UACA: variants seen among roughly 807,000 people sequenced by gnomAD.
UACA encodes uveal autoantigen with coiled-coil domains and ankyrin repeats.
UACA carries 112 observed loss-of-function variants against 160.5 expected under a neutral mutation model. The ratio of observed to expected loss-of-function variants is 0.70; its 90% CI spans 0.60 to 0.82. The LOEUF (loss-of-function observed/expected upper bound fraction) is 0.82, where lower values mean the gene tolerates loss of function less well. Ranked by LOEUF, UACA falls within the 40% of genes least tolerant of loss-of-function variation. The pLI is 0.00. For synonymous variants in UACA, 557 were observed against 568.4 expected (o/e 0.98, Z 0.29); for missense variants, 1,574 against 1,614.6 (o/e 0.97, Z 0.43).
At chr15:70,700,981 T>TA (rs1491549145) in intron 1 of UACA, among the ~76,000 whole-genome samples, 8 of 151,814 alleles carry the variant, frequency 5.3e-5, no homozygotes, top group East Asian at 1.9e-4. Flanking sequence ...AAAGAAAAGT[T>TA]AAAAAAAATC....
intron 5 of UACA, among the ~76,000 whole-genome samples, chr15:70,690,182 C>G (rs1272498808): frequency 3.9e-5 from 6 of 152,040 alleles, no homozygotes; most frequent in African/African-American, 1.4e-4. Context: ...CACACACACA[C>G]ACACACAGCT....
intron 1 of UACA, among the ~76,000 whole-genome samples, chr15:70,728,718 C>T (rs897739789): frequency 3.3e-5 from 5 of 152,084 alleles, no homozygotes; most frequent in African/African-American, 9.7e-5. Flanking sequence ...TAAAGAGCTT[C>T]CACACAGTAA....
Position 70,687,546 on chromosome 15 carries a change from T to C in UACA, c.596A>G (p.Gln199Arg), listed in dbSNP as rs1453478751. ...GCCATGATAAAAGAATTACCTGTTTTGTTTGTCTCTGGAATTAACATCCGC... is the reference window on the plus strand; with the variant it reads ...GCCATGATAAAAGAATTACCTGTTTCGTTTGTCTCTGGAATTAACATCCGC... The part of the protein sequence containing the change: ...RGADVNSRDK[Q>R]NRTALMLGCE... The change falls in exon 7 of 19, where the codon CAA becomes CGA. Residue 199 changes from glutamine (Q) to arginine (R), a missense_variant. Physicochemically the swap from Gln to Arg is conservative, Grantham distance 43. Coordinates refer to ENST00000322954, the MANE Select transcript of UACA (RefSeq NM_018003.4). 1.9e-6 allele frequency: 3 copies of C among 1,613,780 alleles called. No homozygotes were observed. The highest frequency in any genetic ancestry group is 2.2e-5 in the East Asian group (1 of 44,862).
At position 70,763,503 on chromosome 15, in the gene UACA, G is replaced by A. The variant is rs954161734; in HGVS notation, c.-96C>T. 10 of 1,256,412 alleles carry A rather than the reference G, an allele frequency of 8.0e-6. No homozygotes were observed. The highest frequency in any genetic ancestry group is 6.2e-5 in the African/African-American group (4 of 64,400). The allele number at this position is 1,256,412 out of a possible 1,614,324, so 77.8% of individuals were successfully genotyped here. On this transcript the variant is annotated 5_prime_UTR_variant, in exon 1 of 19. Transcript: ENST00000322954. Reference sequence around the variant, plus strand: ...CAGCGGCTGCAGCAGAGGCGGCGCGGGCTGTACCAGCCCCACCTGCCTGCC... The same window carrying A: ...CAGCGGCTGCAGCAGAGGCGGCGCGAGCTGTACCAGCCCCACCTGCCTGCC...
intron 7 of UACA, among the ~76,000 whole-genome samples, chr15:70,686,405 T>C (rs149160432): frequency 2.1e-3 from 325 of 151,900 alleles, no homozygotes; most frequent in Non-Finnish European, 3.9e-3. Context: ...ATTGAAAGCA[T>C]TAAGCTTTGT....
chr15:70,685,461 C>T (rs1897676507), intron 7 of UACA, among the ~76,000 whole-genome samples: 1 of 152,072 alleles, frequency 6.6e-6, no homozygotes, highest in Admixed American at 6.5e-5. Context: ...CAAGCCTTGT[C>T]CCCCAACTCC....
At chr15:70,715,948 AG>A (rs1898808846) in intron 1 of UACA, among the ~76,000 whole-genome samples, 1 of 152,248 alleles carries the variant, frequency 6.6e-6, no homozygotes, top group Non-Finnish European at 1.5e-5. Context: ...TGGGATATAA[AG>A]GAACTAATTT....
Position 70,699,548 on chromosome 15 carries a change from A to G in UACA, c.191T>C (p.Leu64Pro), listed in dbSNP as rs1362621562. The change falls in exon 2 of 19, where the codon CTA (leucine) becomes CCA (proline). Residue 64 changes from leucine to proline, a missense_variant. Coordinates refer to ENST00000322954, the MANE Select transcript of UACA (RefSeq NM_018003.4). ...LAKKGVNPGKLDVEGRSVFHV... is the reference protein window; with the variant it reads ...LAKKGVNPGKPDVEGRSVFHV... ...TTACACAGATCTGCCTTCCACATCTAGTTTGCCTGGATTGACCCCCTTTTT... is the reference window on the plus strand; with the variant it reads ...TTACACAGATCTGCCTTCCACATCTGGTTTGCCTGGATTGACCCCCTTTTT... 5.0e-6 allele frequency: 8 copies of G among 1,610,572 alleles called. No individual in the cohort carries two copies. Among genetic ancestry groups the G allele is most frequent in the Non-Finnish European group, 6.8e-6 (8 of 1,179,224 alleles).
chr15:70,718,841 T>G (rs1898904036), intron 1 of UACA, among the ~76,000 whole-genome samples: 1 of 152,104 alleles, frequency 6.6e-6, no homozygotes, highest in African/African-American at 2.4e-5. Flanking sequence ...GCAAGAAAAC[T>G]GTTACTGGAG....
At chr15:70,763,185 C>T in intron 1 of UACA, 145 bp downstream of exon 1, 1 of 907,948 alleles carries the variant, frequency 1.1e-6, no homozygotes, top group Non-Finnish European at 1.5e-6. Flanking sequence ...GACGGAGTCT[C>T]CGGCCTCAGG....
At chr15:70,688,651 G>A (rs1897817501) in intron 5 of UACA, among the ~76,000 whole-genome samples, 2 of 151,944 alleles carry the variant, frequency 1.3e-5, no homozygotes, top group African/African-American at 2.4e-5. Flanking sequence ...TAAAATTAGC[G>A]ACCCTTTACG....
chr15:70,767,762 A>T (rs1051352416), upstream of UACA, among the ~76,000 whole-genome samples: 2 of 152,278 alleles, frequency 1.3e-5, no homozygotes, highest in Middle Eastern at 3.4e-3. Context: ...GACCCAGTGA[A>T]CAAAGCCAGT....
At chr15:70,657,877 T>C (rs1896539132) in intron 18 of UACA, among the ~76,000 whole-genome samples, 1 of 150,918 alleles carries the variant, frequency 6.6e-6, no homozygotes, top group South Asian at 2.1e-4. Context: ...AGGCCAGGAG[T>C]TTAAGACCAG....
At chr15:70,661,595 G>A (rs1896708248) in intron 17 of UACA, 1 of 152,116 alleles carries the variant, frequency 6.6e-6, no homozygotes, top group Non-Finnish European at 1.5e-5. Flanking sequence ...ACAATTCTAT[G>A]AAATAGGGAA....
At chr15:70,706,671 CA>C (rs1383482509) in intron 1 of UACA, among the ~76,000 whole-genome samples, 73 of 151,928 alleles carry the variant, frequency 4.8e-4, no homozygotes, top group African/African-American at 1.7e-3. Context: ...ATGAACAATC[CA>C]AGACAAAATT....
In UACA at chr15:70,679,654, T is replaced by A. The variant is rs1201123710; in HGVS notation, c.845A>T (p.Asp282Val). The change falls in exon 10 of 19, where the codon GAT becomes GTT. Residue 282 changes from aspartate (D) to valine (V), a missense_variant. By Grantham distance (152) the Asp-to-Val change is radical. Transcript: ENST00000322954. ...LQQRNLTHMQ[D>V]EVNVKSHQRE... ...CTGATGTGACTTCACATTTACTTCA[T>A]CTTGCATGTGTGTCAAATTTCGCTT... 6.3e-7 allele frequency: 1 copy of A among 1,591,088 alleles called. No individual in the cohort carries two copies. The highest frequency in any genetic ancestry group is 1.8e-5 in the Admixed American group (1 of 56,506).
chr15:70,770,176 C>T, the UACA span, among the ~76,000 whole-genome samples: 1 of 152,102 alleles, frequency 6.6e-6, no homozygotes, highest in Admixed American at 6.5e-5. Flanking sequence ...TCTGCATGCT[C>T]CTTCTTCAAA....
At chr15:70,740,828 T>G (rs1401891170) in intron 1 of UACA, among the ~76,000 whole-genome samples, 1 of 151,570 alleles carries the variant, frequency 6.6e-6, no homozygotes, top group Non-Finnish European at 1.5e-5. Context: ...GATCACAAAG[T>G]CAGGAGTTTG....
At chr15:70,772,509 A>G in the UACA span, among the ~76,000 whole-genome samples, 1 of 150,502 alleles carries the variant, frequency 6.6e-6, no homozygotes, top group African/African-American at 2.4e-5. Context: ...AAAAAAAAAA[A>G]AAAAAAAAGA....
Sources: gnomAD v4.1 joint callset for allele counts (sites outside exome capture counted in the v4.1 genomes callset) on GRCh38, gnomAD v4.1.1 for gene constraint, MANE v1.5 for transcripts, NCBI Gene and HGNC (gene_info 2026-07-23, HGNC 2026-07-21) for gene names.